Variants in CSMD2 observed in about 807,000 individuals in gnomAD.
The protein encoded by CSMD2 is CUB and sushi domain-containing protein 2.
CSMD2 carries 130 observed loss-of-function variants against 398.5 expected under a neutral mutation model. The observed-to-expected ratio is 0.33, with a 90% confidence interval of 0.28 to 0.38. The LOEUF (loss-of-function observed/expected upper bound fraction) is 0.38. CSMD2 is among the 10% of genes least tolerant of loss of function. The probability of loss-of-function intolerance (pLI) is 1.00; values close to 1 mark genes in which losing one functional copy is unlikely to be tolerated. For synonymous variants in CSMD2, 1,828 were observed against 1,908.5 expected, an observed-to-expected ratio of 0.96 and a Z score of 1.10; for missense variants, 3,829 against 4,764.9, an observed-to-expected ratio of 0.80 and a Z score of 5.78.
intron 11 of CSMD2, among the ~76,000 whole-genome samples, chr1:33,790,654 T>C (rs1228503491): frequency 8.1e-6 from 1 of 123,288 alleles, no homozygotes; most frequent in Non-Finnish European, 1.6e-5. Flanking sequence ...CTATTTGCTG[T>C]TTGTCTGTCT....
intron 1 of CSMD2, among the ~76,000 whole-genome samples, chr1:34,104,071 A>G (rs1414025445): frequency 6.6e-6 from 1 of 152,244 alleles, no homozygotes; most frequent in Admixed American, 6.5e-5. Context: ...AACCTGGCAC[A>G]GCAAACACCA....
At chr1:33,529,077 C>A (rs1570628679) in intron 64 of CSMD2, among the ~76,000 whole-genome samples, 1 of 152,250 alleles carries the variant, frequency 6.6e-6, no homozygotes, top group South Asian at 2.1e-4. Flanking sequence ...GGCAAACAGT[C>A]TTAAAAAAGA....
chr1:33,810,692 C>T (rs780683077), intron 10 of CSMD2, 51 bp downstream of exon 10: 1 of 1,581,974 alleles, frequency 6.3e-7, no homozygotes, highest in Non-Finnish European at 8.6e-7. Context: ...GCCAACTGTC[C>T]CCAACCTAGC....
In CSMD2 at chr1:33,698,789, G is replaced by A; in HGVS notation, c.3889C>T (p.Arg1297Cys). The change falls in exon 24 of 71, where the codon CGC (arginine) becomes TGC (cysteine). Residue 1297 changes from arginine to cysteine, a missense_variant. By Grantham distance (180) the Arg-to-Cys change is radical (BLOSUM62 -3). Around this residue, in one of 5 missense-constraint regions of CSMD2, gnomAD observed 2,001 missense variants for 2,567.1 expected, o/e 0.78. Transcript: ENST00000373381. ...GGCAGAGGCCGGTCCCAGGTCCGGCGCTCTCCACTCAGACACAGCAGCTCC... is the reference window on the plus strand; with the variant it reads ...GGCAGAGGCCGGTCCCAGGTCCGGCACTCTCCACTCAGACACAGCAGCTCC... ...SEELLCLSGE[R>C]RTWDRPLPTC... 3 of 1,613,804 alleles carry A rather than the reference G, an allele frequency of 1.9e-6. No homozygotes were observed. Among genetic ancestry groups the A allele is most frequent in the Non-Finnish European group, 1.7e-6 (2 of 1,179,880 alleles).
chr1:33,833,151 T>A (rs974569244), intron 6 of CSMD2, among the ~76,000 whole-genome samples: 1 of 55,582 alleles, frequency 1.8e-5, no homozygotes, highest in Non-Finnish European at 2.8e-5. Context: ...ACTCATTTTA[T>A]GAGGCCGCCT....
Position 33,571,750 on chromosome 1 carries a change from G to A in CSMD2, c.7763-24C>T, listed in dbSNP as rs2794601. ...AGCTGGGGAAATGAGGAAAAGAAAGGAGGATTAATTACTTGATTAATTCTG... is the reference window on the plus strand; with the variant it reads ...AGCTGGGGAAATGAGGAAAAGAAAGAAGGATTAATTACTTGATTAATTCTG... On this transcript the variant is annotated intron_variant, in intron 50 of 70. Coordinates refer to ENST00000373381, the MANE Select transcript of CSMD2 (RefSeq NM_001281956.2). 4.4e-3 allele frequency: 6,271 copies of A among 1,414,660 alleles called. 20 individuals are homozygous for A. Among genetic ancestry groups the A allele is most frequent in the Non-Finnish European group, 4.6e-3 (4,900 of 1,066,186 alleles). 87.6% of individuals were successfully genotyped at this position (1,414,660 alleles called of 1,614,324 possible). A position where few individuals can be genotyped will look rare whatever the true frequency, so the allele number is the denominator to read the frequency against.
chr1:34,138,959 C>T (rs565245295), intron 1 of CSMD2, among the ~76,000 whole-genome samples: 1 of 152,250 alleles, frequency 6.6e-6, no homozygotes, highest in Admixed American at 6.5e-5. Flanking sequence ...TCCTCTCCAT[C>T]ACCCCCCATC....
At chr1:33,715,334 C>G (rs994376129) in intron 20 of CSMD2, among the ~76,000 whole-genome samples, 1 of 152,242 alleles carries the variant, frequency 6.6e-6, no homozygotes, top group African/African-American at 2.4e-5. Context: ...GTCTCAGCTA[C>G]GTTGGCACTT....
intron 10 of CSMD2, among the ~76,000 whole-genome samples, chr1:33,801,118 T>A (rs1655554995): frequency 6.6e-6 from 1 of 152,202 alleles, no homozygotes; most frequent in Non-Finnish European, 1.5e-5. Flanking sequence ...ATCAAAACGC[T>A]GTTATCTTTG....
intron 44 of CSMD2, chr1:33,600,425 C>T (rs2148802167): frequency 3.6e-6 from 2 of 557,510 alleles, no homozygotes; most frequent in East Asian, 3.0e-5. Context: ...TGTTCATACT[C>T]TTCCTACTCA....
At chr1:33,645,883 A>C (rs1425646527) in intron 29 of CSMD2, among the ~76,000 whole-genome samples, 2 of 152,256 alleles carry the variant, frequency 1.3e-5, no homozygotes, top group African/African-American at 4.8e-5. Context: ...TTAACTGGGC[A>C]GGGACAGCCT....
chr1:33,562,620 C>T (rs749760991), intron 53 of CSMD2, among the ~76,000 whole-genome samples: 2 of 152,130 alleles, frequency 1.3e-5, no homozygotes, highest in South Asian at 2.1e-4. Context: ...TTGGTTAGGC[C>T]GTGATACCTA....
intron 67 of CSMD2, 70 bp downstream of exon 67, chr1:33,523,237 A>G (rs543154254): frequency 1.0e-5 from 8 of 786,894 alleles, no homozygotes; most frequent in Non-Finnish European, 1.5e-5. Flanking sequence ...GGGTTTGCAC[A>G]CCCTTTTGTC....
At chr1:34,059,718 G>A (rs372387837) in intron 2 of CSMD2, among the ~76,000 whole-genome samples, 3 of 151,460 alleles carry the variant, frequency 2.0e-5, no homozygotes, top group East Asian at 1.9e-4. Flanking sequence ...GAATGAATAC[G>A]TGAATGAATG....
At chr1:33,875,355 GTA>G (rs533452758) in intron 5 of CSMD2, 2 of 152,202 alleles carry the variant, frequency 1.3e-5, no homozygotes, top group Non-Finnish European at 2.9e-5. Flanking sequence ...AAGAGGAAGG[GTA>G]TTTCTTATAA....
intron 13 of CSMD2, among the ~76,000 whole-genome samples, chr1:33,768,792 T>G (rs1650885274): frequency 6.6e-6 from 1 of 152,146 alleles, no homozygotes; most frequent in East Asian, 1.9e-4. Flanking sequence ...TTTCCCTCCC[T>G]TGACCTCTCA....
At chr1:34,031,427 C>T (rs746411713) in intron 3 of CSMD2, among the ~76,000 whole-genome samples, 1 of 152,120 alleles carries the variant, frequency 6.6e-6, no homozygotes, top group Non-Finnish European at 1.5e-5. Context: ...AAGGACAGGT[C>T]AGTCTTTGTC....
intron 3 of CSMD2, among the ~76,000 whole-genome samples, chr1:33,941,671 CCCTTATTTTTAGCGGTTTGG>C (rs1402832723): frequency 6.6e-6 from 1 of 152,100 alleles, no homozygotes; most frequent in Non-Finnish European, 1.5e-5. Flanking sequence ...CTTTACGACT[CCCTTATTTTTAGCGGTTTGG>C]CCTTTTAAAC....
intron 3 of CSMD2, among the ~76,000 whole-genome samples, chr1:33,979,684 T>A (rs1274994863): frequency 1.4e-5 from 2 of 142,614 alleles, no homozygotes; most frequent in Non-Finnish European, 3.2e-5. Flanking sequence ...CTGGAAAAGC[T>A]TGTGTGTGTT....
Sources: allele counts gnomAD v4.1 joint callset (sites outside exome capture counted in the v4.1 genomes callset), GRCh38; gene constraint gnomAD v4.1.1; regional missense constraint gnomAD v4.1.1; transcripts MANE v1.5; gene names NCBI Gene and HGNC (gene_info 2026-07-23, HGNC 2026-07-21).